Variants in CYP2C19 observed in about 807,000 individuals in gnomAD.
CYP2C19 encodes the protein cytochrome P450 family 2 subfamily C member 19.
Under a neutral mutation model 40.9 loss-of-function variants are expected in CYP2C19, and 59 were observed. The ratio of observed to expected loss-of-function variants is 1.44; its 90% CI spans 1.17 to 1.79. CYP2C19 has a LOEUF of 1.79. Ranked by LOEUF, CYP2C19 falls within the 40% of genes most tolerant of loss-of-function variation. The pLI is 0.00. For missense variants in CYP2C19, 754 were observed against 596.9 expected, an observed-to-expected ratio of 1.26 and a Z score of -2.74; for synonymous variants, 253 against 208.7, an observed-to-expected ratio of 1.21 and a Z score of -1.83.
chr10:94,772,597 C>T (rs946600825), intron 1 of CYP2C19, among the ~76,000 whole-genome samples: 1 of 152,124 alleles, frequency 6.6e-6, no homozygotes, highest in Non-Finnish European at 1.5e-5. Flanking sequence ...AACTTGTTGT[C>T]GGGACCCCGG....
At position 94,852,786 on chromosome 10, in the gene CYP2C19, C is replaced by T; in HGVS notation, c.1345C>T (p.Leu449=). The T allele has an allele frequency of 6.2e-7, 1 of 1,614,060 alleles. No individual in the cohort carries two copies. The highest frequency in any genetic ancestry group is 8.5e-7 in the Non-Finnish European group (1 of 1,179,968). Residue 449 remains leucine, a synonymous_variant, in exon 9 of 9, where the codon CTG becomes TTG. Transcript: ENST00000371321. ...GGCCCGCATGGAGCTGTTTTTATTC[C>T]TGACCTTCATTTTACAGAACTTTAA... The part of the protein sequence containing the change: ...GLARMELFLF[L]TFILQNFNLK...
At chr10:94,819,142 G>T (rs1306664692) in intron 5 of CYP2C19, among the ~76,000 whole-genome samples, 3 of 149,960 alleles carry the variant, frequency 2.0e-5, no homozygotes, top group Admixed American at 1.3e-4. Context: ...AATGACTACT[G>T]GGTATATAAC....
chr10:94,833,149 A>G (rs527972070), intron 6 of CYP2C19, among the ~76,000 whole-genome samples: 1 of 152,322 alleles, frequency 6.6e-6, no homozygotes, highest in Admixed American at 6.5e-5. Flanking sequence ...CAGTTCTAAT[A>G]ATTATCTTGT....
At chr10:94,767,116 G>A (rs559149440) in intron 1 of CYP2C19, among the ~76,000 whole-genome samples, 1 of 152,256 alleles carries the variant, frequency 6.6e-6, no homozygotes, top group South Asian at 2.1e-4. Context: ...ATTTCATTTG[G>A]ACTGAGCCCC....
chr10:94,810,687 G>C (rs1008315021), intron 5 of CYP2C19, among the ~76,000 whole-genome samples: 6 of 152,106 alleles, frequency 3.9e-5, no homozygotes, highest in African/African-American at 1.4e-4. Flanking sequence ...GGTGTTTATA[G>C]TATTCTCTGA....
intron 3 of CYP2C19, 77 bp from the exon 4 acceptor site, chr10:94,780,422 T>C (rs1848464268): frequency 6.4e-7 from 1 of 1,561,130 alleles, no homozygotes; most frequent in Non-Finnish European, 8.7e-7. Flanking sequence ...TTCTAAACTA[T>C]TATTATCTGT....
chr10:94,813,121 G>T (rs1422212378), intron 5 of CYP2C19, among the ~76,000 whole-genome samples: 2 of 151,972 alleles, frequency 1.3e-5, no homozygotes, highest in Admixed American at 6.6e-5. Context: ...TAACAGTCAG[G>T]CCCTTCTGCT....
chr10:94,763,689 G>T (rs369283228), intron 1 of CYP2C19, among the ~76,000 whole-genome samples: 101 of 152,000 alleles, frequency 6.6e-4, no homozygotes, highest in African/African-American at 2.4e-3. Context: ...ATGGTAGGGG[G>T]CAGGGCAAGA....
intron 3 of CYP2C19, among the ~76,000 whole-genome samples, chr10:94,778,741 G>A (rs933034040): frequency 2.0e-5 from 3 of 152,130 alleles, no homozygotes; most frequent in African/African-American, 7.2e-5. Context: ...AATTCCATTT[G>A]ATCTAGCAAT....
intron 5 of CYP2C19, among the ~76,000 whole-genome samples, chr10:94,807,539 C>T (rs1336792094): frequency 6.6e-6 from 1 of 152,056 alleles, no homozygotes; most frequent in East Asian, 1.9e-4. Flanking sequence ...TCTCTGCGTC[C>T]TCACCAGCGT....
chr10:94,791,404 C>T lies in CYP2C19; in HGVS notation c.819+9407C>T, dbSNP rs1047471063. ...GATCTTAGTTATTTCTTGTCTTCTG[C>T]TAGCTTTTGAATATATTTGCTCTTG... On this transcript the variant is annotated intron_variant, in intron 5 of 8. Coordinates refer to ENST00000371321, the MANE Select transcript of CYP2C19 (RefSeq NM_000769.4). 2.0e-5 allele frequency among the ~76,000 whole-genome samples: 3 copies of T among 152,090 alleles called. No homozygotes were observed. In the South Asian group the frequency reaches 6.2e-4, roughly 32 times the overall value.
rs1471439790 is a variant in CYP2C19, at chr10:94,763,980, A to G, written c.168+1107A>G. On this transcript the variant is annotated intron_variant, in intron 1 of 8. Transcript: ENST00000371321. ...AGGAGTGAAGCCGCAGACCTTCGCAATGAGTGTTACAGCTCTTAAAGGTGG... is the reference window on the plus strand; with the variant it reads ...AGGAGTGAAGCCGCAGACCTTCGCAGTGAGTGTTACAGCTCTTAAAGGTGG... Among the ~76,000 whole-genome samples the G allele has an allele frequency of 7.2e-5, 11 of 151,984 alleles. 1 individual carries two copies. The highest frequency in any genetic ancestry group is 5.8e-4 in the East Asian group (3 of 5,176).
intron 5 of CYP2C19, among the ~76,000 whole-genome samples, chr10:94,796,042 C>G (rs1002775355): frequency 6.6e-6 from 1 of 152,052 alleles, no homozygotes; most frequent in African/African-American, 2.4e-5. Flanking sequence ...GTTGCCATTG[C>G]TTTTTGTGTT....
chr10:94,832,407 T>C (rs1849348773), intron 6 of CYP2C19, among the ~76,000 whole-genome samples: 1 of 152,178 alleles, frequency 6.6e-6, no homozygotes, highest in Non-Finnish European at 1.5e-5. Flanking sequence ...CTTGTAAGAC[T>C]TATTCACTAC....
intron 5 of CYP2C19, among the ~76,000 whole-genome samples, chr10:94,786,725 G>A (rs1376575578): frequency 1.3e-5 from 2 of 151,928 alleles, no homozygotes; most frequent in African/African-American, 4.8e-5. Flanking sequence ...AGTGTGTATT[G>A]TTTCCATCTT....
rs117984008 is a variant in CYP2C19, at chr10:94,846,241, G to T, written c.1149+3217G>T. ...CTTTCAGTATGTTGATCTCTGTGAA[G>T]AGTTGAGGCCTTTAGTCATTTAAAT... On this transcript the variant is annotated intron_variant, in intron 7 of 8. Transcript: ENST00000371321. 1.6e-3 allele frequency among the ~76,000 whole-genome samples: 240 copies of T among 152,192 alleles called. 1 individual carries two copies. The highest frequency in any genetic ancestry group is 2.7e-3 in the Non-Finnish European group (187 of 68,002).
intron 1 of CYP2C19, among the ~76,000 whole-genome samples, chr10:94,769,605 T>C (rs1241743536): frequency 1.3e-5 from 2 of 152,210 alleles, no homozygotes; most frequent in Admixed American, 6.5e-5. Context: ...GTTTGGTTTT[T>C]GTACTCCTAG....
Position 94,854,507 on chromosome 10 carries a change from C to G in CYP2C19, c.*1593C>G, listed in dbSNP as rs1469312994. On this transcript the variant is annotated 3_prime_UTR_variant, in exon 9 of 9. Transcript: ENST00000371321. ...TTATGTTCACCACTCTTCCTGTCTT[C>G]TACTTGAAATGTAAGAAATAAGAAG... Among the ~76,000 whole-genome samples, 1 of 151,848 alleles carries G rather than the reference C, an allele frequency of 6.6e-6. No individual in the cohort carries two copies. Among genetic ancestry groups the G allele is most frequent in the East Asian group, 1.9e-4 (1 of 5,178 alleles).
intron 5 of CYP2C19, among the ~76,000 whole-genome samples, chr10:94,808,907 A>C (rs1433772979): frequency 1.3e-5 from 2 of 152,150 alleles, no homozygotes; most frequent in Non-Finnish European, 2.9e-5. Flanking sequence ...GGGAGTGTAG[A>C]TATCTCTTCA....
Sources: gnomAD v4.1 joint callset for allele counts (sites outside exome capture counted in the v4.1 genomes callset) on GRCh38, gnomAD v4.1.1 for gene constraint, MANE v1.5 for transcripts, NCBI Gene and HGNC (gene_info 2026-07-23, HGNC 2026-07-21) for gene names.